Variants in SCN11A observed in about 807,000 individuals in gnomAD.
SCN11A encodes the protein sodium channel protein type 11 subunit alpha.
A neutral mutation model predicts 162.2 loss-of-function variants in SCN11A; 122 were observed. The observed-to-expected ratio is 0.75, with a 90% CI of 0.65 to 0.87. The LOEUF (loss-of-function observed/expected upper bound fraction) is 0.87, where lower values mean the gene tolerates loss of function less well. Ranked by LOEUF, SCN11A falls within the 40% of genes least tolerant of loss-of-function variation. The probability of loss-of-function intolerance (pLI) is 0.00; values close to 1 mark genes in which losing one functional copy is unlikely to be tolerated. For missense variants in SCN11A, 2,015 were observed against 2,181.6 expected, an observed-to-expected ratio of 0.92 and a Z score of 1.52; for synonymous variants, 758 against 751.5, an observed-to-expected ratio of 1.01 and a Z score of -0.14.
chr3:39,033,187 A>C (rs908520429), intron 1 of SCN11A, among the ~76,000 whole-genome samples: 3 of 151,964 alleles, frequency 2.0e-5, no homozygotes, highest in African/African-American at 4.8e-5. Flanking sequence ...GAGAAAACTT[A>C]ATTAACTTGC....
chr3:38,906,121 C>T (rs960772068), intron 14 of SCN11A, among the ~76,000 whole-genome samples: 1 of 152,150 alleles, frequency 6.6e-6, no homozygotes, highest in South Asian at 2.1e-4. Context: ...GATCCTTCTA[C>T]CTACTTCTGC....
intron 7 of SCN11A, among the ~76,000 whole-genome samples, chr3:38,941,721 T>C (rs1308121378): frequency 6.7e-6 from 1 of 149,978 alleles, no homozygotes; most frequent in Non-Finnish European, 1.5e-5. Flanking sequence ...TAAAATGAAA[T>C]ACTAAATATA....
chr3:38,965,498 C>T (rs115846301), intron 2 of SCN11A, among the ~76,000 whole-genome samples: 48 of 152,318 alleles, frequency 3.2e-4, no homozygotes, highest in African/African-American at 1.1e-3. Flanking sequence ...AATCGACAGT[C>T]TGCTCCAGTT....
intron 2 of SCN11A, among the ~76,000 whole-genome samples, chr3:38,972,885 G>C (rs2066824766): frequency 6.6e-6 from 1 of 152,186 alleles, no homozygotes; most frequent in African/African-American, 2.4e-5. Flanking sequence ...AGAAGAGGCA[G>C]GCAAAGTGAG....
intron 2 of SCN11A, among the ~76,000 whole-genome samples, chr3:39,028,827 C>T (rs1384754612): frequency 6.6e-6 from 1 of 152,198 alleles, no homozygotes; most frequent in East Asian, 1.9e-4. Flanking sequence ...AGAACTAACC[C>T]AGTCCCATGA....
chr3:39,019,998 T>G (rs931782115), intron 2 of SCN11A, among the ~76,000 whole-genome samples: 1 of 152,228 alleles, frequency 6.6e-6, no homozygotes, highest in Non-Finnish European at 1.5e-5. Flanking sequence ...GTTAATAGTT[T>G]GAATGCTTGA....
At chr3:39,006,011 G>T (rs2030963841) in intron 2 of SCN11A, among the ~76,000 whole-genome samples, 1 of 152,094 alleles carries the variant, frequency 6.6e-6, no homozygotes, top group Non-Finnish European at 1.5e-5. Flanking sequence ...TGACAGTTTA[G>T]CTTGGTATAT....
chr3:39,040,487 C>T (rs374606863), intron 1 of SCN11A, among the ~76,000 whole-genome samples: 11 of 152,254 alleles, frequency 7.2e-5, no homozygotes, highest in African/African-American at 1.7e-4. Context: ...CAAGGAAACA[C>T]GACACTGCCA....
intron 7 of SCN11A, among the ~76,000 whole-genome samples, chr3:38,940,230 AAAG>A (rs1020913846): frequency 4.6e-5 from 7 of 152,128 alleles, no homozygotes; most frequent in African/African-American, 7.2e-5. Context: ...GAGGAACACA[AAAG>A]AAGATTTTAA....
chr3:38,995,803 A>ATCTATCTGTCTGTCTGTCTG (rs1553648572), intron 2 of SCN11A, among the ~76,000 whole-genome samples: 51 of 135,254 alleles, frequency 3.8e-4, no homozygotes, highest in African/African-American at 1.2e-3. Context: ...TAAATTGTCT[A>ATCTATCTGTCTGTCTGTCTG]TCTATCTATC....
At chr3:38,893,148 T>C (rs1340139990) in intron 19 of SCN11A, among the ~76,000 whole-genome samples, 3 of 151,896 alleles carry the variant, frequency 2.0e-5, no homozygotes, top group Non-Finnish European at 4.4e-5. Flanking sequence ...TATAAATAGA[T>C]TGAAAATAAA....
intron 4 of SCN11A, among the ~76,000 whole-genome samples, chr3:38,952,760 A>G (rs752694699): frequency 6.6e-6 from 1 of 152,236 alleles, no homozygotes. Flanking sequence ...GACTTAGGAC[A>G]AGAGAAAAAG....
chr3:38,988,552 T>C (rs2030342007), intron 2 of SCN11A, among the ~76,000 whole-genome samples: 1 of 152,120 alleles, frequency 6.6e-6, no homozygotes, highest in African/African-American at 2.4e-5. Context: ...CTCCCTGCCA[T>C]TGTTTCTGAA....
intron 7 of SCN11A, among the ~76,000 whole-genome samples, chr3:38,944,075 TAC>T (rs1243857423): frequency 6.6e-6 from 1 of 152,224 alleles, no homozygotes; most frequent in African/African-American, 2.4e-5. Flanking sequence ...ATATCACATG[TAC>T]CCTGAAATGT....
intron 2 of SCN11A, among the ~76,000 whole-genome samples, chr3:39,005,283 C>T (rs1274914691): frequency 6.6e-6 from 1 of 152,200 alleles, no homozygotes; most frequent in Non-Finnish European, 1.5e-5. Flanking sequence ...TCTTCTAAAA[C>T]AGGTACTGAG....
At chr3:39,045,438 C>A (rs1054839264) in intron 1 of SCN11A, among the ~76,000 whole-genome samples, 1 of 152,134 alleles carries the variant, frequency 6.6e-6, no homozygotes, top group Non-Finnish European at 1.5e-5. Context: ...AAAAGGATTA[C>A]ACATGATGAT....
intron 25 of SCN11A, 67 bp downstream of exon 25, chr3:38,871,378 G>T: frequency 6.9e-7 from 1 of 1,443,418 alleles, no homozygotes. Context: ...TTTATTAGCT[G>T]AGAAACAATT....
At chr3:38,973,867 C>T (rs1209456616) in intron 2 of SCN11A, among the ~76,000 whole-genome samples, 1 of 152,164 alleles carries the variant, frequency 6.6e-6, no homozygotes, top group African/African-American at 2.4e-5. Flanking sequence ...CAAAGGGCTC[C>T]ACCTACAGTG....
intron 23 of SCN11A, among the ~76,000 whole-genome samples, chr3:38,878,744 T>G (rs905272172): frequency 6.6e-6 from 1 of 152,128 alleles, no homozygotes; most frequent in Non-Finnish European, 1.5e-5. Context: ...GTGGTAGATG[T>G]CATGTAATAC....
Sources: allele counts gnomAD v4.1 joint callset (sites outside exome capture counted in the v4.1 genomes callset), GRCh38; gene constraint gnomAD v4.1.1; transcripts MANE v1.5; gene names NCBI Gene and HGNC (gene_info 2026-07-23, HGNC 2026-07-21).